The following DNAI1 variants were observed in gnomAD, a reference collection of about 807,000 sequenced individuals.
DNAI1 encodes dynein axonemal intermediate chain 1, also known as dynein, axonemal, intermediate polypeptide 1.
In DNAI1, 67 loss-of-function variants were observed where a neutral mutation model predicts 92.0. The ratio of observed to expected loss-of-function variants is 0.73; its 90% CI spans 0.60 to 0.89. DNAI1 has a LOEUF of 0.89. Ranked by LOEUF, DNAI1 falls within the 40% of genes least tolerant of loss-of-function variation. The probability of loss-of-function intolerance (pLI) is 0.00; values close to 1 mark genes in which losing one functional copy is unlikely to be tolerated. For missense variants in DNAI1, 839 were observed against 866.6 expected, an observed-to-expected ratio of 0.97 and a Z score of 0.40; for synonymous variants, 323 against 319.6, an observed-to-expected ratio of 1.01 and a Z score of -0.11.
At chr9:34,513,302 T>C (rs747871693) in intron 16 of DNAI1, 111 bp downstream of exon 16, 8 of 860,128 alleles carry the variant, frequency 9.3e-6, no homozygotes, top group South Asian at 1.3e-5. Context: ...CCGTCAGTTC[T>C]AGAAGGCCTC....
intron 2 of DNAI1, among the ~76,000 whole-genome samples, chr9:34,484,768 T>C (rs1824438375): frequency 6.6e-6 from 1 of 152,268 alleles, no homozygotes; most frequent in African/African-American, 2.4e-5. Context: ...CCTTTCTTGA[T>C]GTCTAAACCA....
intron 10 of DNAI1, among the ~76,000 whole-genome samples, chr9:34,499,779 T>A (rs1824790525): frequency 6.6e-6 from 1 of 152,066 alleles, no homozygotes; most frequent in South Asian, 2.1e-4. Context: ...TTGGCATGAT[T>A]TGATATGGAG....
At chr9:34,465,318 A>C (rs1247635027) in intron 1 of DNAI1, among the ~76,000 whole-genome samples, 2 of 152,206 alleles carry the variant, frequency 1.3e-5, no homozygotes, top group African/African-American at 4.8e-5. Flanking sequence ...GTCTCTGAGG[A>C]GATGATGTTG....
chr9:34,466,950 A>G (rs1824049429), intron 1 of DNAI1, among the ~76,000 whole-genome samples: 1 of 152,184 alleles, frequency 6.6e-6, no homozygotes, highest in African/African-American at 2.4e-5. Flanking sequence ...TCCTAGTTCA[A>G]ATTCTTAAGG....
Position 34,490,502 on chromosome 9 carries a change from C to T in DNAI1, c.621+14C>T. ...AACCCTGTCCGGGTAGAGCAGCCCCCACCCTAGCCCCTTTGCAGCTCTTCA... is the reference window on the plus strand; with the variant it reads ...AACCCTGTCCGGGTAGAGCAGCCCCTACCCTAGCCCCTTTGCAGCTCTTCA... On this transcript the variant is annotated intron_variant, in intron 7 of 19. Transcript: ENST00000242317. The T allele has an allele frequency of 4.3e-6, 7 of 1,613,808 alleles. No homozygotes were observed. Among genetic ancestry groups the T allele is most frequent in the Non-Finnish European group, 5.9e-6 (7 of 1,180,034 alleles).
At chr9:34,512,692 T>C (rs2132082041) in intron 15 of DNAI1, among the ~76,000 whole-genome samples, 1 of 152,336 alleles carries the variant, frequency 6.6e-6, no homozygotes, top group South Asian at 2.1e-4. Context: ...CAGCCCTGTT[T>C]ATGCAGATCA....
chr9:34,465,256 G>A (rs989830983), intron 1 of DNAI1, among the ~76,000 whole-genome samples: 33 of 152,258 alleles, frequency 2.2e-4, no homozygotes, highest in African/African-American at 6.7e-4. Context: ...GATCCTGAAC[G>A]GAGAGAGAAG....
chr9:34,507,190 T>C (rs368914122), intron 13 of DNAI1, among the ~76,000 whole-genome samples: 12 of 152,224 alleles, frequency 7.9e-5, no homozygotes, highest in African/African-American at 2.9e-4. Context: ...CCTGACAGGC[T>C]CCAGCTGAGT....
intron 12 of DNAI1, among the ~76,000 whole-genome samples, chr9:34,505,425 T>G (rs1301839797): frequency 1.3e-5 from 2 of 152,198 alleles, no homozygotes; most frequent in Non-Finnish European, 2.9e-5. Context: ...ACCCAGATAA[T>G]CCAGGATAAT....
chr9:34,520,046 A>T (rs1490333006), intron 19 of DNAI1, among the ~76,000 whole-genome samples: 1 of 152,114 alleles, frequency 6.6e-6, no homozygotes, highest in African/African-American at 2.4e-5. Context: ...TCAGCCAACG[A>T]CACCTGGAGT....
At chr9:34,472,537 G>T (rs1171889888) in intron 1 of DNAI1, among the ~76,000 whole-genome samples, 1 of 152,166 alleles carries the variant, frequency 6.6e-6, no homozygotes, top group Non-Finnish European at 1.5e-5. Flanking sequence ...TCATAGGAAA[G>T]AAAAATTTAT....
chr9:34,511,392 G>A (rs1825062287), intron 13 of DNAI1, among the ~76,000 whole-genome samples: 1 of 152,188 alleles, frequency 6.6e-6, no homozygotes, highest in Non-Finnish European at 1.5e-5. Context: ...CTGGGACTGG[G>A]AGCAAAGTTC....
chr9:34,495,330 T>G (rs1383779847), intron 9 of DNAI1, among the ~76,000 whole-genome samples: 5 of 152,084 alleles, frequency 3.3e-5, no homozygotes, highest in African/African-American at 1.2e-4. Flanking sequence ...GTGGTCAGAC[T>G]GGGGAGGCAC....
chr9:34,476,612 G>A (rs890896532), intron 1 of DNAI1, among the ~76,000 whole-genome samples: 1 of 152,194 alleles, frequency 6.6e-6, no homozygotes, highest in African/African-American at 2.4e-5. Context: ...TCTTGAATGA[G>A]GTAAGGGGAC....
chr9:34,519,533 C>A (rs370622933), intron 19 of DNAI1, among the ~76,000 whole-genome samples: 8 of 152,116 alleles, frequency 5.3e-5, no homozygotes, highest in Admixed American at 4.6e-4. Flanking sequence ...GCTCTGCCTG[C>A]AGAGGGTAGA....
intron 1 of DNAI1, among the ~76,000 whole-genome samples, chr9:34,467,501 C>T (rs1824060678): frequency 6.6e-6 from 1 of 151,476 alleles, no homozygotes; most frequent in Non-Finnish European, 1.5e-5. Flanking sequence ...AGCCAGGTTG[C>T]ATGCACCTGT....
chr9:34,459,245 C>T (rs1053879176), intron 1 of DNAI1, among the ~76,000 whole-genome samples, 192 bp downstream of exon 1: 39 of 151,986 alleles, frequency 2.6e-4, no homozygotes, highest in African/African-American at 9.2e-4. Context: ...CCGGCCTCCT[C>T]TCCCATACTA....
chr9:34,514,479 A>G lies in DNAI1; in HGVS notation c.1655A>G (p.His552Arg), dbSNP rs757337068. ...GACACTGTGTCCTGGAACCCATACC[A>G]CACCAAGGTCTTCATGTCCTGCAGC... is the stretch of plus-strand genomic sequence containing the variant. ...SVDTVSWNPY[H>R]TKVFMSCSSD... Residue 552 changes from histidine to arginine, a missense_variant, in exon 17 of 20, where the codon CAC (histidine) becomes CGC (arginine). His to Arg is a conservative substitution (Grantham distance 29). Coordinates refer to ENST00000242317, the MANE Select transcript of DNAI1 (RefSeq NM_012144.4). 6.2e-7 allele frequency: 1 copy of G among 1,614,102 alleles called. No individual in the cohort carries two copies. Among genetic ancestry groups the G allele is most frequent in the Non-Finnish European group, 8.5e-7 (1 of 1,180,026 alleles).
chr9:34,517,474 G>A lies in DNAI1; in HGVS notation c.2001+7G>A, dbSNP rs1437773528. The stretch of plus-strand genomic sequence containing the variant: ...TTTGCGCAAGATGCCAAAGGTACAG[G>A]CTCTGGGACTTTGAGCTGCTGCAAG... On this transcript the variant is annotated splice_region_variant and intron_variant, in intron 19 of 19. Coordinates refer to ENST00000242317, the MANE Select transcript of DNAI1 (RefSeq NM_012144.4). The A allele has an allele frequency of 6.2e-7, 1 of 1,614,210 alleles. No homozygotes were observed. The highest frequency in any genetic ancestry group is 8.5e-7 in the Non-Finnish European group (1 of 1,180,036).
Sources: allele counts gnomAD v4.1 joint callset (sites outside exome capture counted in the v4.1 genomes callset), GRCh38; gene constraint gnomAD v4.1.1; transcripts MANE v1.5; gene names NCBI Gene and HGNC (gene_info 2026-07-23, HGNC 2026-07-21).